The following ELMO1 variants were observed in gnomAD, a reference collection of about 807,000 sequenced individuals.
ELMO1 encodes the protein engulfment and cell motility protein 1.
Under a neutral mutation model 98.9 loss-of-function variants are expected in ELMO1, and 26 were observed. The observed-to-expected ratio is 0.26, with a 90% CI of 0.19 to 0.36. The LOEUF (loss-of-function observed/expected upper bound fraction) is 0.36. Ranked by LOEUF, ELMO1 falls within the 10% of genes least tolerant of loss-of-function variation. The probability of loss-of-function intolerance (pLI) is 1.00; values close to 1 mark genes in which losing one functional copy is unlikely to be tolerated. For synonymous variants in ELMO1, 346 were observed against 346.0 expected, an observed-to-expected ratio of 1.00 and a Z score of 0.00; for missense variants, 627 against 935.2, an observed-to-expected ratio of 0.67 and a Z score of 4.30.
At chr7:36,929,748 T>G (rs373266411) in intron 16 of ELMO1, among the ~76,000 whole-genome samples, 102 of 152,302 alleles carry the variant, frequency 6.7e-4, no homozygotes, top group African/African-American at 2.3e-3. Flanking sequence ...TATTATATAT[T>G]CAAGTCTATG....
chr7:36,856,178 C>A (rs1165841740), intron 21 of ELMO1, among the ~76,000 whole-genome samples: 1 of 152,220 alleles, frequency 6.6e-6, no homozygotes, highest in African/African-American at 2.4e-5. Context: ...AAGCAGGTTT[C>A]TTTGCTGACT....
intron 21 of ELMO1, among the ~76,000 whole-genome samples, chr7:36,860,516 T>C (rs1280424347): frequency 6.6e-6 from 1 of 152,236 alleles, no homozygotes; most frequent in Non-Finnish European, 1.5e-5. Flanking sequence ...TGAATAAAAA[T>C]CTGGCAGTCC....
chr7:37,278,778 T>C (rs1479353378), intron 4 of ELMO1, among the ~76,000 whole-genome samples: 1 of 152,212 alleles, frequency 6.6e-6, no homozygotes, highest in Non-Finnish European at 1.5e-5. Flanking sequence ...TGTTTCATGC[T>C]GATATTCTCC....
Position 37,192,534 on chromosome 7 carries a change from T to G in ELMO1, c.1086+18852A>C, listed in dbSNP as rs548008773. 6.8e-5 allele frequency among the ~76,000 whole-genome samples: 10 copies of G among 147,462 alleles called. No homozygotes were observed. In the East Asian group the frequency reaches 1.8e-3, roughly 27 times the overall value. The stretch of plus-strand genomic sequence containing the variant: ...AAAAAACTGGGCCGGGCGCAGTGGT[T>G]CACACCTATAATCCAGCAATTTGGG... On this transcript the variant is annotated intron_variant, in intron 13 of 21. Transcript: ENST00000310758.
chr7:37,188,957 G>A (rs1791410605), intron 13 of ELMO1, among the ~76,000 whole-genome samples: 1 of 152,156 alleles, frequency 6.6e-6, no homozygotes, highest in African/African-American at 2.4e-5. Context: ...GACAATAACT[G>A]TTTTAGTCCT....
At chr7:37,097,716 C>T (rs1784436207) in intron 14 of ELMO1, among the ~76,000 whole-genome samples, 1 of 152,134 alleles carries the variant, frequency 6.6e-6, no homozygotes, top group Non-Finnish European at 1.5e-5. Flanking sequence ...TTAGGAGTTA[C>T]CTGGATGTTG....
At chr7:37,074,244 A>G (rs1797440217) in intron 15 of ELMO1, among the ~76,000 whole-genome samples, 1 of 150,014 alleles carries the variant, frequency 6.7e-6, no homozygotes, top group African/African-American at 2.4e-5. Context: ...TAAATATAAT[A>G]GAAAATATTT....
At chr7:37,248,988 T>C (rs1157836618) in intron 6 of ELMO1, among the ~76,000 whole-genome samples, 6 of 152,252 alleles carry the variant, frequency 3.9e-5, no homozygotes, top group African/African-American at 9.6e-5. Flanking sequence ...TTATCCTCCA[T>C]GCACCTCCTC....
At chr7:37,103,010 A>G (rs1262851443) in intron 14 of ELMO1, among the ~76,000 whole-genome samples, 1 of 152,156 alleles carries the variant, frequency 6.6e-6, no homozygotes, top group Non-Finnish European at 1.5e-5. Flanking sequence ...ATATCCCTTA[A>G]CCTCAGTTTT....
chr7:37,232,531 C>T (rs1794231532), intron 8 of ELMO1, among the ~76,000 whole-genome samples: 1 of 152,170 alleles, frequency 6.6e-6, no homozygotes, highest in African/African-American at 2.4e-5. Context: ...CTTCCTGCAC[C>T]AGGTCCATCT....
intron 16 of ELMO1, among the ~76,000 whole-genome samples, chr7:36,905,878 G>T (rs1783921935): frequency 6.6e-6 from 1 of 152,210 alleles, no homozygotes; most frequent in African/African-American, 2.4e-5. Context: ...TTACTACAAA[G>T]AAATAAATGA....
At chr7:37,331,842 A>G (rs77233105) in intron 2 of ELMO1, among the ~76,000 whole-genome samples, 3,956 of 152,278 alleles carry the variant, frequency 0.026, 264 homozygotes, top group East Asian at 0.24. Context: ...TGTAGTTCAC[A>G]TCTGTCACCA....
At chr7:37,179,750 A>G (rs1284910361) in intron 13 of ELMO1, among the ~76,000 whole-genome samples, 2 of 152,220 alleles carry the variant, frequency 1.3e-5, no homozygotes. Flanking sequence ...GATAAGCTGT[A>G]CATTAATAAT....
chr7:37,149,973 G>A (rs756893548), intron 13 of ELMO1, among the ~76,000 whole-genome samples: 1 of 152,096 alleles, frequency 6.6e-6, no homozygotes, highest in Non-Finnish European at 1.5e-5. Context: ...ATGTTGAAAG[G>A]AATGTTTTCA....
intron 13 of ELMO1, among the ~76,000 whole-genome samples, chr7:37,198,633 A>G (rs953575096): frequency 4.6e-5 from 7 of 152,240 alleles, no homozygotes; most frequent in Non-Finnish European, 7.3e-5. Context: ...AGCCTCAAAC[A>G]CAATTGACTT....
At chr7:37,211,749 C>T (rs979984170) in intron 12 of ELMO1, among the ~76,000 whole-genome samples, 1 of 152,126 alleles carries the variant, frequency 6.6e-6, no homozygotes, top group Non-Finnish European at 1.5e-5. Context: ...TCCTCTTAGC[C>T]AAGTAGTTAT....
chr7:37,333,607 G>A (rs1205063624), intron 2 of ELMO1, among the ~76,000 whole-genome samples: 3 of 152,176 alleles, frequency 2.0e-5, no homozygotes, highest in Non-Finnish European at 4.4e-5. Flanking sequence ...AAATTTTTAA[G>A]ATTTTATGAG....
intron 15 of ELMO1, among the ~76,000 whole-genome samples, chr7:37,062,340 T>C (rs1796710182): frequency 6.6e-6 from 1 of 152,216 alleles, no homozygotes. Context: ...TAAAGCCATG[T>C]TAAGTTCAAT....
chr7:36,972,618 T>G (rs1790065744), intron 16 of ELMO1, among the ~76,000 whole-genome samples: 1 of 152,218 alleles, frequency 6.6e-6, no homozygotes, highest in African/African-American at 2.4e-5. Flanking sequence ...TGTCTGTCTC[T>G]GCATCCAGTG....
Sources: allele counts gnomAD v4.1 joint callset (sites outside exome capture counted in the v4.1 genomes callset), GRCh38; gene constraint gnomAD v4.1.1; transcripts MANE v1.5; gene names NCBI Gene and HGNC (gene_info 2026-07-23, HGNC 2026-07-21).